Variants in SAMHD1 observed in about 807,000 individuals in gnomAD.
SAMHD1 encodes the protein SAM and HD domain containing deoxynucleoside triphosphate triphosphohydrolase 1.
SAMHD1 carries 54 observed loss-of-function variants against 79.6 expected under a neutral mutation model. That is an observed-to-expected ratio of 0.68 (90% CI 0.55 to 0.85). The LOEUF is 0.85. Ranked by LOEUF, SAMHD1 falls within the 40% of genes least tolerant of loss-of-function variation. SAMHD1 has a pLI of 0.00. For synonymous variants in SAMHD1, 260 were observed against 264.1 expected, an observed-to-expected ratio of 0.98 and a Z score of 0.15; for missense variants, 663 against 782.7, an observed-to-expected ratio of 0.85 and a Z score of 1.82.
In SAMHD1 at chr20:36,916,703, C is replaced by G. The variant is rs1418106881; in HGVS notation, c.1062+19G>C. 8 of 1,536,106 alleles carry G rather than the reference C, an allele frequency of 5.2e-6. No homozygotes were observed. Among genetic ancestry groups the G allele is most frequent in the Non-Finnish European group, 6.3e-6 (7 of 1,109,056 alleles). ...CCAGGAACAACATTCTTCTTATTGC[C>G]TCCTCTGGCACAGCTTACCTTATCT... is the stretch of plus-strand genomic sequence containing the variant. On this transcript the variant is annotated intron_variant, in intron 9 of 15. Transcript: ENST00000646673.
intron 11 of SAMHD1, among the ~76,000 whole-genome samples, chr20:36,908,242 A>G (rs911621202): frequency 2.1e-5 from 3 of 144,660 alleles, no homozygotes; most frequent in Non-Finnish European, 4.7e-5. Flanking sequence ...TTTTTTCTCT[A>G]TCATTATTAT....
intron 2 of SAMHD1, among the ~76,000 whole-genome samples, chr20:36,944,119 G>A (rs1219111151): frequency 1.3e-5 from 2 of 148,852 alleles, no homozygotes; most frequent in Admixed American, 6.7e-5. Flanking sequence ...GGCCTGAGGC[G>A]GGCAGATCAC....
At chr20:36,919,730 T>C (rs1451546913) in intron 6 of SAMHD1, among the ~76,000 whole-genome samples, 2 of 152,220 alleles carry the variant, frequency 1.3e-5, no homozygotes, top group Admixed American at 6.5e-5. Flanking sequence ...ACAAAACTTA[T>C]TTCATAAACA....
In SAMHD1 at chr20:36,907,946, G is replaced by A. The variant is rs538783209; in HGVS notation, c.1271-2443C>T. ...GCTGGAATACAGTGATGCCATCTCA[G>A]CTAATTGCAGCCTCCGCCTCCTGGG... is the stretch of plus-strand genomic sequence containing the variant. On this transcript the variant is annotated intron_variant, in intron 11 of 15. Coordinates refer to ENST00000646673, the MANE Select transcript of SAMHD1 (RefSeq NM_015474.4). Among the ~76,000 whole-genome samples the A allele has an allele frequency of 7.7e-4, 117 of 151,938 alleles. 1 individual carries two copies. Among genetic ancestry groups the A allele is most frequent in the Middle Eastern group, 3.4e-3 (1 of 294 alleles).
intron 6 of SAMHD1, among the ~76,000 whole-genome samples, chr20:36,920,008 C>T (rs966931689): frequency 3.3e-5 from 5 of 152,164 alleles, no homozygotes; most frequent in African/African-American, 1.2e-4. Context: ...CACTCATTCA[C>T]AATCAATGTA....
intron 13 of SAMHD1, among the ~76,000 whole-genome samples, chr20:36,902,164 A>AATG (rs1990317727): frequency 6.6e-6 from 1 of 152,016 alleles, no homozygotes; most frequent in South Asian, 2.1e-4. Flanking sequence ...GACAGTTTGA[A>AATG]ATGATGATGA....
intron 7 of SAMHD1, among the ~76,000 whole-genome samples, 191 bp downstream of exon 7, chr20:36,919,173 C>G (rs2063491777): frequency 6.6e-6 from 1 of 152,124 alleles, no homozygotes; most frequent in African/African-American, 2.4e-5. Flanking sequence ...TGGGAAGTAA[C>G]TTCTAACTAA....
intron 6 of SAMHD1, 51 bp from the exon 7 acceptor site, chr20:36,919,570 A>AG (rs2063493952): frequency 6.4e-7 from 1 of 1,551,252 alleles, no homozygotes; most frequent in Non-Finnish European, 8.9e-7. Flanking sequence ...GCCCATTGGG[A>AG]GCCCTGACTA....
chr20:36,935,360 C>T, intron 3 of SAMHD1, 171 bp from the exon 4 acceptor site: 1 of 628,376 alleles, frequency 1.6e-6, no homozygotes, highest in South Asian at 1.9e-5. Flanking sequence ...GTATCACTAC[C>T]AGACAGATCA....
At chr20:36,949,809 T>C (rs1488176104) in intron 1 of SAMHD1, among the ~76,000 whole-genome samples, 3 of 145,754 alleles carry the variant, frequency 2.1e-5, no homozygotes, top group Admixed American at 1.4e-4. Context: ...TCTTCTTTTA[T>C]ATGATAAAGG....
At chr20:36,924,203 G>A (rs1423689559) in intron 6 of SAMHD1, among the ~76,000 whole-genome samples, 2 of 150,998 alleles carry the variant, frequency 1.3e-5, no homozygotes, top group Non-Finnish European at 1.5e-5. Flanking sequence ...AGTAAGCCAT[G>A]TTTGCACCAC....
chr20:36,911,356 T>G (rs1458957370), intron 10 of SAMHD1, 23 bp from the exon 11 acceptor site: 2 of 1,452,930 alleles, frequency 1.4e-6, no homozygotes, highest in East Asian at 4.5e-5. Flanking sequence ...TTGCAAAAAT[T>G]TATGTTTATG....
At chr20:36,945,842 T>C (rs1046944703) in intron 2 of SAMHD1, among the ~76,000 whole-genome samples, 9 of 149,884 alleles carry the variant, frequency 6.0e-5, no homozygotes, top group Admixed American at 2.7e-4. Context: ...ACCCAGGGGG[T>C]TCAGTGAGCC....
At chr20:36,901,064 A>G (rs1279266514) in intron 13 of SAMHD1, among the ~76,000 whole-genome samples, 3 of 152,214 alleles carry the variant, frequency 2.0e-5, no homozygotes, top group African/African-American at 4.8e-5. Context: ...AAGGAAAAAA[A>G]AGACAGCAAG....
intron 14 of SAMHD1, 82 bp downstream of exon 14, chr20:36,898,358 C>T (rs1990236575): frequency 9.3e-7 from 1 of 1,078,066 alleles, no homozygotes; most frequent in Admixed American, 1.7e-5. Flanking sequence ...GCCTTAAAAC[C>T]TAATTTGCAT....
intron 13 of SAMHD1, 72 bp downstream of exon 13, chr20:36,904,085 C>T: frequency 1.9e-6 from 2 of 1,031,926 alleles, no homozygotes; most frequent in Non-Finnish European, 3.1e-6. Context: ...TGAACATGTA[C>T]TACTTTTATA....
chr20:36,924,493 TGTTA>T (rs1201933211), intron 6 of SAMHD1, among the ~76,000 whole-genome samples: 1 of 152,086 alleles, frequency 6.6e-6, no homozygotes, highest in East Asian at 1.9e-4. Flanking sequence ...TAACAAAAGT[TGTTA>T]GTCAGGAATG....
At chr20:36,900,131 G>C (rs1270792855) in intron 13 of SAMHD1, among the ~76,000 whole-genome samples, 3 of 151,812 alleles carry the variant, frequency 2.0e-5, no homozygotes, top group Non-Finnish European at 2.9e-5. Context: ...GCAACTCTTA[G>C]AACTTTGGCT....
At chr20:36,945,684 C>A (rs2063681087) in intron 2 of SAMHD1, among the ~76,000 whole-genome samples, 1 of 151,958 alleles carries the variant, frequency 6.6e-6, no homozygotes, top group South Asian at 2.1e-4. Context: ...GGTCAGAACT[C>A]CAGACCACCT....
Sources: allele counts gnomAD v4.1 joint callset (sites outside exome capture counted in the v4.1 genomes callset), GRCh38; gene constraint gnomAD v4.1.1; transcripts MANE v1.5; gene names NCBI Gene and HGNC (gene_info 2026-07-23, HGNC 2026-07-21).